PGM2L1: variants seen among roughly 807,000 people sequenced by gnomAD.
The protein encoded by PGM2L1 is phosphoglucomutase 2 like 1.
A neutral mutation model predicts 73.4 loss-of-function variants in PGM2L1; 35 were observed. The observed-to-expected ratio is 0.48, with a 90% CI of 0.36 to 0.63. The LOEUF is 0.63. PGM2L1 is among the 30% of genes least tolerant of loss of function. The probability of loss-of-function intolerance (pLI) is 0.00; values close to 1 mark genes in which losing one functional copy is unlikely to be tolerated. For synonymous variants in PGM2L1, 225 were observed against 253.8 expected, an observed-to-expected ratio of 0.89 and a Z score of 1.08; for missense variants, 570 against 742.0, an observed-to-expected ratio of 0.77 and a Z score of 2.69.
At chr11:74,339,120 A>G (rs186680028) in intron 12 of PGM2L1, among the ~76,000 whole-genome samples, 210 of 152,256 alleles carry the variant, frequency 1.4e-3, no homozygotes, top group Admixed American at 2.8e-3. Context: ...AAAGAGAGTA[A>G]ACAACCCATT....
chr11:74,345,452 A>G lies in PGM2L1; in HGVS notation c.1218+17T>C, dbSNP rs1461287377. 2 of 1,585,320 alleles carry G rather than the reference A, an allele frequency of 1.3e-6. No homozygotes were observed. Among genetic ancestry groups the G allele is most frequent in the African/African-American group, 1.3e-5 (1 of 74,138 alleles). On this transcript the variant is annotated intron_variant, in intron 9 of 13. Transcript: ENST00000298198. The stretch of plus-strand genomic sequence containing the variant: ...ATAGGTTTTAAAAAGTAGCACACAG[A>G]TATTATTGATTCTTACTTCAAAATG...
intron 1 of PGM2L1, among the ~76,000 whole-genome samples, chr11:74,396,098 A>T (rs1044435099): frequency 2.0e-5 from 3 of 151,566 alleles, no homozygotes; most frequent in African/African-American, 4.9e-5. Context: ...AAAAAAAAAA[A>T]ATTTTTTTTA....
At chr11:74,339,259 T>C (rs576083465) in intron 12 of PGM2L1, among the ~76,000 whole-genome samples, 1 of 152,330 alleles carries the variant, frequency 6.6e-6, no homozygotes, top group South Asian at 2.1e-4. Flanking sequence ...ACATCCTGCA[T>C]GTACTGGGGT....
chr11:74,370,566 T>TACACACAC (rs199915083), intron 4 of PGM2L1, among the ~76,000 whole-genome samples: 1 of 151,592 alleles, frequency 6.6e-6, no homozygotes, highest in Non-Finnish European at 1.5e-5. Flanking sequence ...TTTACACACA[T>TACACACAC]ACACACACAC....
chr11:74,377,355 G>A (rs549326873), intron 1 of PGM2L1, among the ~76,000 whole-genome samples: 6 of 152,098 alleles, frequency 3.9e-5, no homozygotes, highest in African/African-American at 7.2e-5. Context: ...GGATGGTCTC[G>A]ATCTCCTGAC....
intron 2 of PGM2L1, among the ~76,000 whole-genome samples, chr11:74,372,247 A>G (rs1366612582): frequency 1.2e-4 from 19 of 152,214 alleles, no homozygotes; most frequent in African/African-American, 4.6e-4. Flanking sequence ...GAAGTTAACC[A>G]AAAGATTTGA....
rs1024400149 is a variant in PGM2L1, at chr11:74,334,346, A to G, written c.*2306T>C. 1 of 152,216 alleles carries G rather than the reference A, an allele frequency of 6.6e-6. No homozygotes were observed. Among genetic ancestry groups the G allele is most frequent in the African/African-American group, 2.4e-5 (1 of 41,462 alleles). 9.4% of individuals were successfully genotyped at this position (152,216 alleles called of 1,614,324 possible). ...AACCAAATATACCTGTTTTTCATAT[A>G]TACAACATTATACCACTTTGCAGAA... On this transcript the variant is annotated 3_prime_UTR_variant, in exon 14 of 14. Transcript: ENST00000298198.
At chr11:74,358,082 A>G (rs1312001182) in intron 5 of PGM2L1, among the ~76,000 whole-genome samples, 3 of 152,256 alleles carry the variant, frequency 2.0e-5, no homozygotes, top group Admixed American at 2.0e-4. Flanking sequence ...GTATGATACT[A>G]TAATGGTGGA....
At chr11:74,341,227 T>A (rs1314887247) in intron 12 of PGM2L1, among the ~76,000 whole-genome samples, 2 of 152,096 alleles carry the variant, frequency 1.3e-5, no homozygotes, top group African/African-American at 4.8e-5. Flanking sequence ...GACTGAAAAA[T>A]GCTCTGGAGC....
intron 1 of PGM2L1, among the ~76,000 whole-genome samples, chr11:74,378,259 G>A (rs1234934036): frequency 2.0e-5 from 3 of 151,606 alleles, no homozygotes; most frequent in African/African-American, 2.4e-5. Context: ...CCGAGATTGC[G>A]CCACTGCACT....
intron 5 of PGM2L1, among the ~76,000 whole-genome samples, chr11:74,363,469 G>A (rs1165329131): frequency 2.6e-5 from 4 of 151,944 alleles, no homozygotes; most frequent in African/African-American, 9.7e-5. Context: ...CTGACAGACC[G>A]CTAGCAAGAC....
chr11:74,338,445 A>G, intron 13 of PGM2L1, 23 bp downstream of exon 13: 1 of 1,510,906 alleles, frequency 6.6e-7, no homozygotes, highest in Non-Finnish European at 9.0e-7. Context: ...TTGTATGTAT[A>G]TCTTAAAAAA....
intron 9 of PGM2L1, among the ~76,000 whole-genome samples, chr11:74,345,075 A>T (rs546082327): frequency 1.3e-5 from 2 of 152,248 alleles, no homozygotes; most frequent in East Asian, 3.9e-4. Context: ...AATTTAGAAG[A>T]CTACTTGAAG....
Position 74,334,124 on chromosome 11 carries a change from T to C in PGM2L1, c.*2528A>G, listed in dbSNP as rs1862055430. ...CACTTCAGGAACATTTGTAAAATTT[T>C]GTTAACTTGAGAGAAGAACACTTCA... On this transcript the variant is annotated 3_prime_UTR_variant, in exon 14 of 14. Transcript: ENST00000298198. 1.3e-5 allele frequency: 2 copies of C among 152,266 alleles called. No homozygotes were observed. The highest frequency in any genetic ancestry group is 4.1e-4 in the South Asian group (2 of 4,832). The allele number at this position is 152,266 out of a possible 1,614,324, so 9.4% of individuals were successfully genotyped here.
At chr11:74,352,195 G>T (rs1361311724) in intron 5 of PGM2L1, among the ~76,000 whole-genome samples, 1 of 151,892 alleles carries the variant, frequency 6.6e-6, no homozygotes, top group African/African-American at 2.4e-5. Context: ...ATTATAATAT[G>T]CATATGCCAT....
At chr11:74,366,363 A>C (rs1322222194) in intron 5 of PGM2L1, among the ~76,000 whole-genome samples, 1 of 151,706 alleles carries the variant, frequency 6.6e-6, no homozygotes, top group Non-Finnish European at 1.5e-5. Context: ...AAGTATAAAA[A>C]AAAAAAAAAA....
intron 6 of PGM2L1, among the ~76,000 whole-genome samples, chr11:74,350,651 C>T (rs530972667): frequency 3.9e-4 from 60 of 152,080 alleles, no homozygotes; most frequent in South Asian, 2.3e-3. Context: ...CTGAGGCAGG[C>T]GGATCACCAG....
Position 74,351,469 on chromosome 11 carries a change from T to C in PGM2L1, c.663A>G (p.Leu221=). ...CTCTCTTCAGCGGGCTGGTATCCAC[T>C]AAATTATCATTCCAGGAACCATTCC... ...EPWNGSWNDN[L]VDTSPLKRDP... is the part of the protein sequence containing the mutation. The change falls in exon 6 of 14, where the codon TTA becomes TTG. Residue 221 remains leucine, a synonymous_variant. Coordinates refer to ENST00000298198, the MANE Select transcript of PGM2L1 (RefSeq NM_173582.6). 6.2e-7 allele frequency: 1 copy of C among 1,614,054 alleles called. No individual in the cohort carries two copies. The highest frequency in any genetic ancestry group is 2.2e-5 in the East Asian group (1 of 44,868).
intron 8 of PGM2L1, among the ~76,000 whole-genome samples, chr11:74,346,187 C>T (rs1351628429): frequency 1.4e-5 from 2 of 142,184 alleles, no homozygotes; most frequent in Non-Finnish European, 3.0e-5. Flanking sequence ...TAGCTTGAAC[C>T]TGGGAGGCAG....
Sources: allele counts gnomAD v4.1 joint callset (sites outside exome capture counted in the v4.1 genomes callset), GRCh38; gene constraint gnomAD v4.1.1; transcripts MANE v1.5; gene names NCBI Gene and HGNC (gene_info 2026-07-23, HGNC 2026-07-21).